Variants in NBEAL1 observed in about 807,000 individuals in gnomAD.
NBEAL1 encodes the protein neurobeachin like 1.
A neutral mutation model predicts 351.3 loss-of-function variants in NBEAL1; 273 were observed. That is an observed-to-expected ratio of 0.78 (90% confidence interval 0.70 to 0.86). The LOEUF (loss-of-function observed/expected upper bound fraction) is 0.86. Among genes scored for constraint, NBEAL1 ranks in the 40% least tolerant of loss-of-function variants. NBEAL1 has a pLI of 0.00. For synonymous variants in NBEAL1, 1,050 were observed against 1,086.4 expected (o/e 0.97, Z 0.66); for missense variants, 2,961 against 3,201.3 (o/e 0.92, Z 1.81).
chr2:203,090,670 C>T (rs1453471627), intron 10 of NBEAL1, among the ~76,000 whole-genome samples: 1 of 152,136 alleles, frequency 6.6e-6, no homozygotes, highest in Non-Finnish European at 1.5e-5. Context: ...GGGCAGATCA[C>T]TTGAGTTCAG....
chr2:203,115,896 A>G lies in NBEAL1; in HGVS notation c.2507-89A>G, dbSNP rs1224363484. ...CTGTGTTGTTTGAGTAGCTTGAAAC[A>G]GCTTAATTTTAAATTTTATTCTGAT... On this transcript the variant is annotated intron_variant, in intron 17 of 55. Transcript: ENST00000683969. The G allele has an allele frequency of 1.2e-5, 10 of 811,958 alleles. No homozygotes were observed. The East Asian group carries it at 2.5e-4, about 21-fold the overall frequency. The allele number at this position is 811,958 out of a possible 1,614,324, so 50.3% of individuals were successfully genotyped here.
intron 2 of NBEAL1, among the ~76,000 whole-genome samples, chr2:203,035,022 C>T (rs1463963136): frequency 2.0e-5 from 3 of 149,096 alleles, no homozygotes; most frequent in African/African-American, 7.3e-5. Flanking sequence ...GTACTGTAAT[C>T]CAAATATCAT....
chr2:203,174,015 G>T (rs2106417608), intron 41 of NBEAL1, among the ~76,000 whole-genome samples: 1 of 152,014 alleles, frequency 6.6e-6, no homozygotes, highest in South Asian at 2.1e-4. Flanking sequence ...GCATGTATCA[G>T]TGATAGACCT....
chr2:203,119,424 CTTTT>C (rs57126638), intron 18 of NBEAL1, among the ~76,000 whole-genome samples: 42 of 66,666 alleles, frequency 6.3e-4, no homozygotes, highest in African/African-American at 1.3e-3. Context: ...CGGCCTGTTG[CTTTT>C]TTTTTTTTTT....
rs1400884230 is a variant in NBEAL1 at position 203,057,454 on chromosome 2, G to T, written c.515+1G>T. The T allele has an allele frequency of 6.5e-7, 1 of 1,546,410 alleles. No individual in the cohort carries two copies. The highest frequency in any genetic ancestry group is 1.2e-5 in the South Asian group (1 of 83,474). ...GGAATTGGAGACATAGAATTTCAGG[G>T]TATGTCTTATAAATAATAACGTTCA... On this transcript the variant is annotated splice_donor_variant, in intron 6 of 55. Transcript: ENST00000683969. LOFTEE classifies it high-confidence loss of function.
intron 55 of NBEAL1, among the ~76,000 whole-genome samples, chr2:203,214,321 G>A (rs2065863099): frequency 6.6e-6 from 1 of 152,206 alleles, no homozygotes; most frequent in Non-Finnish European, 1.5e-5. Context: ...TATGGGATCT[G>A]TCGGGGTTAT....
chr2:203,088,559 CAG>C (rs2062008939), intron 10 of NBEAL1, among the ~76,000 whole-genome samples: 1 of 152,178 alleles, frequency 6.6e-6, no homozygotes, highest in African/African-American at 2.4e-5. Flanking sequence ...TGGTTTCTAG[CAG>C]TAAACATGGA....
At chr2:203,085,883 G>A (rs2061954291) in intron 10 of NBEAL1, 4 of 151,984 alleles carry the variant, frequency 2.6e-5, no homozygotes, top group Admixed American at 1.3e-4. Flanking sequence ...TTCTGTTAAT[G>A]AAAAAGTAAG....
intron 3 of NBEAL1, among the ~76,000 whole-genome samples, chr2:203,049,384 T>G (rs1178191625): frequency 6.6e-6 from 1 of 152,196 alleles, no homozygotes; most frequent in East Asian, 1.9e-4. Flanking sequence ...ACTAGTTATG[T>G]AGATACTTCA....
At position 203,056,460 on chromosome 2, in the gene NBEAL1, C is replaced by T; in HGVS notation, c.339C>T (p.Cys113=). Residue 113 remains cysteine, a synonymous_variant, in exon 5 of 56, where the codon TGC becomes TGT. Coordinates refer to ENST00000683969, the MANE Select transcript of NBEAL1 (RefSeq NM_001378026.1). ...CAAATGTGGAAGAAATTGGGACTTG[C>T]TCGTACATTAATTATGTCATCACCA... ...NLSNVEEIGT[C]SYINYVITMT... is the part of the protein sequence containing the mutation. 6.4e-7 allele frequency: 1 copy of T among 1,550,572 alleles called. No homozygotes were observed. Among genetic ancestry groups the T allele is most frequent in the Non-Finnish European group, 8.7e-7 (1 of 1,144,340 alleles).
At chr2:203,023,762 C>T (rs1387614614) in intron 2 of NBEAL1, among the ~76,000 whole-genome samples, 2 of 151,900 alleles carry the variant, frequency 1.3e-5, no homozygotes, top group African/African-American at 4.8e-5. Context: ...ATGTGGAGTT[C>T]AGAAGAGAGG....
At chr2:203,034,583 C>T (rs528222914) in intron 2 of NBEAL1, among the ~76,000 whole-genome samples, 2 of 146,994 alleles carry the variant, frequency 1.4e-5, no homozygotes, top group African/African-American at 4.9e-5. Context: ...CTCAGCCTCC[C>T]GAGTAGCTGG....
intron 38 of NBEAL1, 47 bp downstream of exon 38, chr2:203,167,407 C>A: frequency 6.5e-7 from 1 of 1,531,958 alleles, no homozygotes; most frequent in Non-Finnish European, 8.8e-7. Context: ...GCTTTAAATA[C>A]GTTTCCAGCT....
chr2:203,151,573 C>T lies in NBEAL1; in HGVS notation c.5571C>T (p.Ala1857=). The T allele has an allele frequency of 3.1e-6, 5 of 1,603,912 alleles. No individual in the cohort carries two copies. Among genetic ancestry groups the T allele is most frequent in the Non-Finnish European group, 4.2e-6 (5 of 1,176,506 alleles). The part of the protein sequence containing the change: ...YNFKTHEEAS[A]LRDNLGIQHS... ...TCAAAACCCATGAGGAAGCTAGTGC[C>T]TTGAGAGATAATCTGGGTGAGTTCC... The change falls in exon 35 of 56, where the codon GCC becomes GCT. Residue 1857 remains alanine, a synonymous_variant. Coordinates refer to ENST00000683969, the MANE Select transcript of NBEAL1 (RefSeq NM_001378026.1).
At chr2:203,091,643 T>C (rs1364429243) in intron 10 of NBEAL1, among the ~76,000 whole-genome samples, 2 of 152,236 alleles carry the variant, frequency 1.3e-5, no homozygotes, top group Non-Finnish European at 2.9e-5. Flanking sequence ...TGTTGTTTTT[T>C]TTCTTTTTTG....
chr2:203,210,054 G>A (rs1039787562), intron 53 of NBEAL1, among the ~76,000 whole-genome samples: 2 of 152,004 alleles, frequency 1.3e-5, no homozygotes, highest in Admixed American at 6.6e-5. Flanking sequence ...CCCAGCCTAA[G>A]CTTTTTCAAT....
chr2:203,133,365 ATGT>A (rs1379190519), intron 27 of NBEAL1, among the ~76,000 whole-genome samples: 1 of 152,080 alleles, frequency 6.6e-6, no homozygotes, highest in Non-Finnish European at 1.5e-5. Context: ...TCCTGCAAAT[ATGT>A]TCTTTCCAGA....
intron 37 of NBEAL1, 131 bp downstream of exon 37, chr2:203,166,428 G>A: frequency 1.3e-6 from 1 of 799,480 alleles, no homozygotes. Flanking sequence ...GTCAGTAAGG[G>A]GTCAAATTTG....
At position 203,224,424 on chromosome 2, in the gene NBEAL1, C is replaced by T. The variant is rs2065986918; in HGVS notation, c.*7070C>T. 6.6e-6 allele frequency among the ~76,000 whole-genome samples: 1 copy of T among 152,066 alleles called. No homozygotes were observed. The highest frequency in any genetic ancestry group is 2.4e-5 in the African/African-American group (1 of 41,438). On this transcript the variant is annotated 3_prime_UTR_variant, in exon 56 of 56. Coordinates refer to ENST00000683969, the MANE Select transcript of NBEAL1 (RefSeq NM_001378026.1). ...ATCATATCTGGCTAGATAGCCATTT[C>T]TCTCAGATTCATTGCTATAAAAATG...
Sources: allele counts gnomAD v4.1 joint callset (sites outside exome capture counted in the v4.1 genomes callset), GRCh38; gene constraint gnomAD v4.1.1; transcripts MANE v1.5; gene names NCBI Gene and HGNC (gene_info 2026-07-23, HGNC 2026-07-21).